Variants in PPFIA4 observed in about 807,000 individuals in gnomAD.
PPFIA4 encodes PPFI scaffold protein A4.
Under a neutral mutation model 145.7 loss-of-function variants are expected in PPFIA4, and 98 were observed. That is an observed-to-expected ratio of 0.67 (90% confidence interval 0.57 to 0.80). The LOEUF is 0.80. Ranked by LOEUF, PPFIA4 falls within the 30% of genes least tolerant of loss-of-function variation. The pLI, the probability that PPFIA4 is intolerant of heterozygous loss-of-function variation, is 0.00. For synonymous variants in PPFIA4, 628 were observed against 649.6 expected (o/e 0.97, Z 0.51); for missense variants, 1,457 against 1,632.7 (o/e 0.89, Z 1.85).
At chr1:203,073,922 G>A (rs1441983132) in intron 28 of PPFIA4, among the ~76,000 whole-genome samples, 1 of 152,170 alleles carries the variant, frequency 6.6e-6, no homozygotes, top group Non-Finnish European at 1.5e-5. Context: ...CCTGCATAAA[G>A]AGCCAGCTGC....
intron 28 of PPFIA4, among the ~76,000 whole-genome samples, chr1:203,073,913 C>T (rs919809369): frequency 2.6e-5 from 4 of 152,046 alleles, no homozygotes; most frequent in African/African-American, 9.7e-5. Context: ...AATGGGACTC[C>T]TGCATAAAGA....
rs543651330 is a variant in PPFIA4 at position 203,076,454 on chromosome 1, C to T, written c.*64C>T. 9 of 1,485,008 alleles carry T rather than the reference C, an allele frequency of 6.1e-6. No individual in the cohort carries two copies. The East Asian group carries it at 1.1e-4, about 19-fold the overall frequency. 92.0% of individuals were successfully genotyped at this position (1,485,008 alleles called of 1,614,324 possible). A position where few individuals can be genotyped will look rare whatever the true frequency, so the allele number is the denominator to read the frequency against. On this transcript the variant is annotated 3_prime_UTR_variant, in exon 30 of 30. Coordinates refer to ENST00000295706, the MANE Select transcript of PPFIA4 (RefSeq NM_001304331.2). ...ACAGGCTCCTCTGGCCCTGACCCCTCTTGCTCGTTCCCCTTCCTTCCGCAG... is the reference window on the plus strand; with the variant it reads ...ACAGGCTCCTCTGGCCCTGACCCCTTTTGCTCGTTCCCCTTCCTTCCGCAG...
chr1:203,048,869 G>C lies in PPFIA4; in HGVS notation c.1357-49G>C. 3 of 1,543,872 alleles carry C rather than the reference G, an allele frequency of 1.9e-6. No homozygotes were observed. Among genetic ancestry groups the C allele is most frequent in the South Asian group, 1.2e-5 (1 of 83,530 alleles). ...ACTGCACACCCAGAGGCTCAGGTCT[G>C]GAATGGGAGAGGAAGGCAGGGGCCT... On this transcript the variant is annotated intron_variant, in intron 11 of 29. Coordinates refer to ENST00000295706, the MANE Select transcript of PPFIA4 (RefSeq NM_001304331.2). This position sits in a 1 kb window ranked among gnomAD's most constrained non-coding sequence, Gnocchi z 5.8.
rs1326510507 is a variant in PPFIA4 at position 203,056,365 on chromosome 1, G to A, written c.2107-10G>A. ...CCCTCTATCCCCTGACGGCTCCACT[G>A]TCTGTTCAGTCGCCAGTGTCTCGGG... On this transcript the variant is annotated splice_polypyrimidine_tract_variant and intron_variant, in intron 17 of 29. Coordinates refer to ENST00000295706, the MANE Select transcript of PPFIA4 (RefSeq NM_001304331.2). The A allele has an allele frequency of 6.2e-7, 1 of 1,613,324 alleles. No homozygotes were observed. Among genetic ancestry groups the A allele is most frequent in the East Asian group, 2.2e-5 (1 of 44,896 alleles).
chr1:203,046,453 A>G, intron 9 of PPFIA4, 71 bp downstream of exon 9: 1 of 1,496,552 alleles, frequency 6.7e-7, no homozygotes, highest in Non-Finnish European at 8.9e-7. Flanking sequence ...CCAGGCAGGG[A>G]AGGGAGCGCG....
chr1:203,060,000 T>A, intron 21 of PPFIA4, 149 bp downstream of exon 21: 2 of 787,070 alleles, frequency 2.5e-6, no homozygotes, highest in Non-Finnish European at 4.3e-6. Context: ...CCCCTCCCCC[T>A]CCCCAACACA....
At chr1:203,067,822 G>A (rs1289954405) in intron 26 of PPFIA4, 30 bp downstream of exon 26, 1 of 1,603,848 alleles carries the variant, frequency 6.2e-7, no homozygotes, top group South Asian at 1.1e-5. Flanking sequence ...AGAGGGTTCG[G>A]GAGCAGCCTG....
Position 203,075,819 on chromosome 1 carries a change from C to T in PPFIA4, c.3574+62C>T, listed in dbSNP as rs926248052. ...GCCGAGCGCGGGCTTCTTCCTGGCA[C>T]CCCAGGGCCGGGCCGGGTGGAGAGG... On this transcript the variant is annotated intron_variant, in intron 29 of 29. Transcript: ENST00000295706. The surrounding 1 kb of genome is among the most constrained non-coding windows in gnomAD (Gnocchi z 4.1). The T allele has an allele frequency of 5.2e-6, 7 of 1,337,222 alleles. No individual in the cohort carries two copies. The African/African-American group carries it at 9.3e-5, about 18-fold the overall frequency. 82.8% of individuals were successfully genotyped at this position (1,337,222 alleles called of 1,614,324 possible). A position where few individuals can be genotyped will look rare whatever the true frequency, so the allele number is the denominator to read the frequency against.
chr1:203,054,111 T>C (rs866704974), intron 15 of PPFIA4, 150 bp downstream of exon 15: 1 of 877,328 alleles, frequency 1.1e-6, no homozygotes, highest in African/African-American at 1.8e-5. Flanking sequence ...TCAGGCCCGC[T>C]GCCAGTGCCG....
intron 13 of PPFIA4, chr1:203,051,127 G>A (rs948740136): frequency 2.5e-5 from 25 of 985,092 alleles, no homozygotes; most frequent in Middle Eastern, 1.0e-3. Context: ...ATATTCCAGG[G>A]GATTGTTGCT....
chr1:203,030,729 A>G (rs900667432), intron 1 of PPFIA4, among the ~76,000 whole-genome samples: 1 of 152,204 alleles, frequency 6.6e-6, no homozygotes, highest in African/African-American at 2.4e-5. Flanking sequence ...ACGCTGTCTC[A>G]TGAGCAGCAA....
Position 203,076,280 on chromosome 1 carries a change from C to T in PPFIA4, c.3575-61C>T, listed in dbSNP as rs576405165. ...CGCTGTCGCACACATCCTACAACCTCTCTCGCAGATGCCCTGCAACCTGCC... is the reference window on the plus strand; with the variant it reads ...CGCTGTCGCACACATCCTACAACCTTTCTCGCAGATGCCCTGCAACCTGCC... On this transcript the variant is annotated intron_variant, in intron 29 of 29. Coordinates refer to ENST00000295706, the MANE Select transcript of PPFIA4 (RefSeq NM_001304331.2). 1.2e-5 allele frequency: 18 copies of T among 1,539,426 alleles called. No individual in the cohort carries two copies. In the African/African-American group the frequency reaches 2.3e-4, roughly 20 times the overall value.
chr1:203,074,208 T>C (rs563890873), intron 28 of PPFIA4, among the ~76,000 whole-genome samples: 2 of 152,302 alleles, frequency 1.3e-5, no homozygotes, highest in East Asian at 3.9e-4. Context: ...ATTAGGCAAT[T>C]TGATCACTGT....
In PPFIA4 at chr1:203,049,662, G is replaced by T. The variant is rs1210472679; in HGVS notation, c.1420-14G>T. 2.6e-6 allele frequency: 4 copies of T among 1,513,202 alleles called. No homozygotes were observed. The African/African-American group carries it at 5.5e-5, about 21-fold the overall frequency. 93.7% of individuals were successfully genotyped at this position (1,513,202 alleles called of 1,614,324 possible). On this transcript the variant is annotated splice_polypyrimidine_tract_variant and intron_variant, in intron 12 of 29. Transcript: ENST00000295706. ...GCCCCCACTCCCGCCCCCACCCCGGGTCTGCTGGCACAGGGCCGCCTGTCT... is the reference window on the plus strand; with the variant it reads ...GCCCCCACTCCCGCCCCCACCCCGGTTCTGCTGGCACAGGGCCGCCTGTCT...
intron 7 of PPFIA4, 24 bp downstream of exon 7, chr1:203,045,583 C>T (rs749628549): frequency 2.6e-6 from 4 of 1,544,382 alleles, no homozygotes; most frequent in South Asian, 1.2e-5. Context: ...CAGGCCTGCT[C>T]TGTGACCTCA....
chr1:203,070,303 C>T (rs983443290), intron 27 of PPFIA4, among the ~76,000 whole-genome samples: 8 of 151,870 alleles, frequency 5.3e-5, no homozygotes, highest in African/African-American at 9.7e-5. Context: ...AAAAATGGCT[C>T]GGTGTGGTAG....
chr1:203,041,297 G>C (rs1659679441), intron 2 of PPFIA4, among the ~76,000 whole-genome samples: 1 of 152,220 alleles, frequency 6.6e-6, no homozygotes, highest in Non-Finnish European at 1.5e-5. Flanking sequence ...AGGATAAGAA[G>C]TTTGTATTTG....
At chr1:203,067,588 C>A in intron 25 of PPFIA4, 107 bp from the exon 26 acceptor site, 1 of 922,452 alleles carries the variant, frequency 1.1e-6, no homozygotes, top group Non-Finnish European at 1.7e-6. Flanking sequence ...GCTCTTTGTG[C>A]TGGAGGCAGT....
chr1:203,075,833 C>T lies in PPFIA4; in HGVS notation c.3574+76C>T, dbSNP rs372249826. 2.4e-5 allele frequency: 31 copies of T among 1,308,810 alleles called. No homozygotes were observed. The East Asian group carries it at 6.5e-4, about 28-fold the overall frequency. The allele number at this position is 1,308,810 out of a possible 1,614,324, so 81.1% of individuals were successfully genotyped here. ...TCTTCCTGGCACCCCAGGGCCGGGC[C>T]GGGTGGAGAGGGGCGAGGCCGAGGC... On this transcript the variant is annotated intron_variant, in intron 29 of 29. Transcript: ENST00000295706. This position sits in a 1 kb window ranked among gnomAD's most constrained non-coding sequence, Gnocchi z 4.1.
Sources: gnomAD v4.1 joint callset for allele counts (sites outside exome capture counted in the v4.1 genomes callset) on GRCh38, gnomAD v4.1.1 for gene constraint, Gnocchi (gnomAD v3.1) non-coding constraint, MANE v1.5 for transcripts, NCBI Gene and HGNC (gene_info 2026-07-23, HGNC 2026-07-21) for gene names.